BSPH1: variants seen among roughly 807,000 people sequenced by gnomAD.
BSPH1 encodes the protein binder of sperm 1.
A neutral mutation model predicts 22.5 loss-of-function variants in BSPH1; 21 were observed. That is an observed-to-expected ratio of 0.93 (90% CI 0.66 to 1.35). The LOEUF (loss-of-function observed/expected upper bound fraction) is 1.35. Among genes scored for constraint, BSPH1 ranks in the 40% most tolerant of loss-of-function variants. The probability of loss-of-function intolerance (pLI) is 0.00; values close to 1 mark genes in which losing one functional copy is unlikely to be tolerated. For synonymous variants in BSPH1, 42 were observed against 53.6 expected (o/e 0.78, Z 0.95); for missense variants, 141 against 154.2 (o/e 0.91, Z 0.45).
chr19:47,972,012 TCTGA>T (rs1969314869), intron 5 of BSPH1, among the ~76,000 whole-genome samples: 1 of 130,070 alleles, frequency 7.7e-6, no homozygotes. Context: ...AAAAAGTTAT[TCTGA>T]CTGTTTTTCA....
chr19:47,991,824 T>C lies in BSPH1; in HGVS notation c.73+185A>G, dbSNP rs75398099. 2.1e-3 allele frequency among the ~76,000 whole-genome samples: 147 copies of C among 68,580 alleles called. 1 individual carries two copies. Among genetic ancestry groups the C allele is most frequent in the Admixed American group, 3.1e-3 (16 of 5,208 alleles). 45.0% of individuals were successfully genotyped at this position (68,580 alleles called of 152,430 possible). On this transcript the variant is annotated intron_variant, in intron 1 of 5. Transcript: ENST00000344839. ...CTCTTTCTCCCCTCCTCCTCCTTCC[T>C]CTCTTCCTCCTCTTCCCTCTTCCAC...
intron 5 of BSPH1, among the ~76,000 whole-genome samples, chr19:47,976,424 G>C (rs115964249): frequency 0.022 from 3,418 of 151,938 alleles, 115 homozygotes; most frequent in African/African-American, 0.077. Context: ...AAGCCACCAC[G>C]CCTACCCCAT....
chr19:47,972,606 A>C (rs1230710865), intron 5 of BSPH1, among the ~76,000 whole-genome samples: 1 of 152,030 alleles, frequency 6.6e-6, no homozygotes, highest in Non-Finnish European at 1.5e-5. Flanking sequence ...CAAATATCTT[A>C]CTGTATTCTT....
At chr19:47,977,767 A>ATC in intron 3 of BSPH1, 1 of 712,226 alleles carries the variant, frequency 1.4e-6, no homozygotes, top group Non-Finnish European at 1.7e-6. Context: ...AGTTTCAGAA[A>ATC]TCTCTCCTAA....
chr19:47,970,018 A>T (rs76439458), intron 5 of BSPH1, among the ~76,000 whole-genome samples: 5,528 of 150,652 alleles, frequency 0.037, 122 homozygotes, highest in Middle Eastern at 0.048. Flanking sequence ...TGTGTGTGTG[A>T]GAGAGAGAGA....
intron 1 of BSPH1, among the ~76,000 whole-genome samples, chr19:47,990,555 G>T (rs548031903): frequency 6.6e-6 from 1 of 151,530 alleles, no homozygotes; most frequent in Admixed American, 6.6e-5. Flanking sequence ...AGAAAGCAGT[G>T]GTCATAGTTA....
chr19:47,977,718 G>C (rs1969378548), intron 3 of BSPH1: 4 of 979,278 alleles, frequency 4.1e-6, no homozygotes, highest in Non-Finnish European at 4.9e-6. Context: ...TCTTTTCCAG[G>C]TTATAAACAG....
At chr19:47,978,396 G>C (rs922188676) in intron 3 of BSPH1, among the ~76,000 whole-genome samples, 1 of 152,138 alleles carries the variant, frequency 6.6e-6, no homozygotes, top group Non-Finnish European at 1.5e-5. Flanking sequence ...GAGCCACTGA[G>C]TCCGGCCTTA....
chr19:47,983,546 T>A (rs1425501533), intron 1 of BSPH1, among the ~76,000 whole-genome samples: 2 of 152,110 alleles, frequency 1.3e-5, no homozygotes, highest in African/African-American at 4.8e-5. Flanking sequence ...CATCCCCATA[T>A]CATAAACACA....
intron 5 of BSPH1, among the ~76,000 whole-genome samples, chr19:47,973,551 T>G (rs575762926): frequency 6.6e-6 from 1 of 152,146 alleles, no homozygotes; most frequent in Non-Finnish European, 1.5e-5. Flanking sequence ...TATTTTGAGG[T>G]TAAGAGAAAG....
At chr19:47,985,943 G>A (rs1366253) in intron 1 of BSPH1, among the ~76,000 whole-genome samples, 6 of 152,176 alleles carry the variant, frequency 3.9e-5, no homozygotes, top group East Asian at 3.9e-4. Context: ...TCCAGAGGAT[G>A]AGCAGTGAAT....
intron 5 of BSPH1, among the ~76,000 whole-genome samples, chr19:47,973,925 C>T (rs956436616): frequency 1.6e-4 from 24 of 152,174 alleles, no homozygotes; most frequent in Admixed American, 1.5e-3. Context: ...ATCCTTAGCA[C>T]TCTGTTCTTC....
At chr19:47,991,556 G>A (rs1437733757) in intron 1 of BSPH1, among the ~76,000 whole-genome samples, 10 of 28,970 alleles carry the variant, frequency 3.5e-4, no homozygotes, top group African/African-American at 5.2e-4. Context: ...CCCTCCTCCC[G>A]GTCATCCTCC....
chr19:47,982,066 A>AT (rs1430535713), intron 1 of BSPH1, among the ~76,000 whole-genome samples: 1 of 152,146 alleles, frequency 6.6e-6, no homozygotes, highest in Admixed American at 6.6e-5. Context: ...GAAAAATTTG[A>AT]TTTTTTCCCA....
In BSPH1 at chr19:47,975,527, A is replaced by C. The variant is rs1969353456; in HGVS notation, c.*2+1183T>G. Among the ~76,000 whole-genome samples, 2 of 152,020 alleles carry C rather than the reference A, an allele frequency of 1.3e-5. 1 individual carries two copies. The highest frequency in any genetic ancestry group is 4.1e-4 in the South Asian group (2 of 4,830). ...TTTGTTGCCCTTGTTCGTGTGGTTC[A>C]TATCTGACCCTTTTTAAACCTCACT... On this transcript the variant is annotated intron_variant, in intron 5 of 5. Coordinates refer to ENST00000344839, the MANE Select transcript of BSPH1 (RefSeq NM_001128326.2).
At chr19:47,987,290 T>A (rs1330592156) in intron 1 of BSPH1, among the ~76,000 whole-genome samples, 1 of 152,170 alleles carries the variant, frequency 6.6e-6, no homozygotes, top group Non-Finnish European at 1.5e-5. Context: ...GCCGTGTTGG[T>A]TTCTGATTAA....
At chr19:47,969,848 T>C (rs539776745) in intron 5 of BSPH1, among the ~76,000 whole-genome samples, 1 of 151,924 alleles carries the variant, frequency 6.6e-6, no homozygotes, top group Non-Finnish European at 1.5e-5. Flanking sequence ...AATTTATGTT[T>C]GTGTAAGAGA....
intron 1 of BSPH1, among the ~76,000 whole-genome samples, chr19:47,986,430 C>CT (rs1158428298): frequency 6.6e-6 from 1 of 152,090 alleles, no homozygotes; most frequent in African/African-American, 2.4e-5. Flanking sequence ...TTGCTTCTTC[C>CT]TTGGTTTTGT....
intron 1 of BSPH1, among the ~76,000 whole-genome samples, chr19:47,983,106 G>C (rs1257292765): frequency 6.6e-6 from 1 of 152,126 alleles, no homozygotes; most frequent in Non-Finnish European, 1.5e-5. Context: ...CACGATGAAG[G>C]GATCTGCATT....
Sources: gnomAD v4.1 joint callset for allele counts (sites outside exome capture counted in the v4.1 genomes callset) on GRCh38, gnomAD v4.1.1 for gene constraint, MANE v1.5 for transcripts, NCBI Gene and HGNC (gene_info 2026-07-23, HGNC 2026-07-21) for gene names.